The following SLC1A3 variants were observed in gnomAD, a reference collection of about 807,000 sequenced individuals.
The protein encoded by SLC1A3 is excitatory amino acid transporter 1.
Under a neutral mutation model 48.1 loss-of-function variants are expected in SLC1A3, and 21 were observed. The ratio of observed to expected loss-of-function variants is 0.44; its 90% CI spans 0.31 to 0.63. The LOEUF (loss-of-function observed/expected upper bound fraction) is 0.63. Among genes scored for constraint, SLC1A3 ranks in the 20% least tolerant of loss-of-function variants. The pLI, the probability that SLC1A3 is intolerant of heterozygous loss-of-function variation, is 0.08. For missense variants in SLC1A3, 546 were observed against 689.0 expected (o/e 0.79, Z 2.32); for synonymous variants, 239 against 251.4 (o/e 0.95, Z 0.47).
intron 2 of SLC1A3, among the ~76,000 whole-genome samples, chr5:36,609,722 G>T (rs575542287): frequency 2.6e-5 from 4 of 152,186 alleles, no homozygotes; most frequent in Admixed American, 6.5e-5. Flanking sequence ...GATTAATGAT[G>T]GTTCAATTAA....
chr5:36,680,696 T>G, intron 8 of SLC1A3, 107 bp downstream of exon 8: 2 of 897,568 alleles, frequency 2.2e-6, no homozygotes, highest in Non-Finnish European at 3.7e-6. Context: ...GGCGGGTGGA[T>G]CTCCTGAGGC....
At chr5:36,609,619 T>C (rs1349476432) in intron 2 of SLC1A3, among the ~76,000 whole-genome samples, 1 of 152,234 alleles carries the variant, frequency 6.6e-6, no homozygotes, top group African/African-American at 2.4e-5. Flanking sequence ...AATTCTTAAA[T>C]TGTAGACAAA....
chr5:36,597,619 G>T (rs577188137), intron 1 of SLC1A3, among the ~76,000 whole-genome samples: 1 of 152,214 alleles, frequency 6.6e-6, no homozygotes, highest in South Asian at 2.1e-4. Flanking sequence ...TTTCAGCTTT[G>T]TTCCCACTCC....
chr5:36,609,184 C>G, intron 2 of SLC1A3: 1 of 983,638 alleles, frequency 1.0e-6, no homozygotes, highest in Non-Finnish European at 1.2e-6. Flanking sequence ...GCAGAGCCTG[C>G]CATAACCAGC....
At chr5:36,603,128 C>T (rs1035116310), upstream of SLC1A3, among the ~76,000 whole-genome samples, 1 of 152,290 alleles carries the variant, frequency 6.6e-6, no homozygotes, top group African/African-American at 2.4e-5. Flanking sequence ...TCCCCATTGA[C>T]TAGGAGTGGA....
At chr5:36,623,014 C>CAAAAAAAAAAA (rs1158762437) in intron 2 of SLC1A3, among the ~76,000 whole-genome samples, 2 of 51,938 alleles carry the variant, frequency 3.9e-5, no homozygotes, top group Non-Finnish European at 8.4e-5. Flanking sequence ...TCCATCATCT[C>CAAAAAAAAAAA]AAAAAAAAAA....
chr5:36,639,652 T>G (rs1413749903), intron 3 of SLC1A3, among the ~76,000 whole-genome samples: 1 of 152,188 alleles, frequency 6.6e-6, no homozygotes, highest in Non-Finnish European at 1.5e-5. Context: ...CCTCCCAAAA[T>G]TATTCTCCCA....
At chr5:36,596,674 G>C (rs1053739254) in exon 1 of SLC1A3, among the ~76,000 whole-genome samples, 1 of 152,218 alleles carries the variant, frequency 6.6e-6, no homozygotes, top group Admixed American at 6.5e-5. Context: ...TGCAGGGCTT[G>C]AGGGGTGAGT....
chr5:36,686,507 G>T lies in SLC1A3; in HGVS notation c.*238G>T, dbSNP rs1473219558. 7 of 535,812 alleles carry T rather than the reference G, an allele frequency of 1.3e-5. No individual in the cohort carries two copies. Among genetic ancestry groups the T allele is most frequent in the Non-Finnish European group, 2.3e-5 (7 of 298,550 alleles). 33.2% of individuals were successfully genotyped at this position (535,812 alleles called of 1,614,324 possible). ...TTTCATGTTAGTCTTACCGAATAAGGTACCAAGATCACAAATAGTGTTGAT... is the reference window on the plus strand; with the variant it reads ...TTTCATGTTAGTCTTACCGAATAAGTTACCAAGATCACAAATAGTGTTGAT... On this transcript the variant is annotated 3_prime_UTR_variant, in exon 10 of 10. Transcript: ENST00000265113.
chr5:36,617,529 C>A (rs1739492501), intron 2 of SLC1A3, among the ~76,000 whole-genome samples: 1 of 148,486 alleles, frequency 6.7e-6, no homozygotes, highest in Non-Finnish European at 1.5e-5. Flanking sequence ...ATCTTATTGA[C>A]CCCTGTCCCC....
At chr5:36,635,237 A>T (rs996502845) in intron 3 of SLC1A3, among the ~76,000 whole-genome samples, 2 of 151,734 alleles carry the variant, frequency 1.3e-5, no homozygotes, top group Non-Finnish European at 2.9e-5. Context: ...TTCATTCTCT[A>T]TAAAATGTAA....
At chr5:36,619,919 C>G (rs939207176) in intron 2 of SLC1A3, among the ~76,000 whole-genome samples, 9 of 152,146 alleles carry the variant, frequency 5.9e-5, no homozygotes, top group African/African-American at 2.2e-4. Flanking sequence ...ATTTATAATG[C>G]TTTTGATGAA....
chr5:36,681,999 CTTCT>C (rs530903826), intron 8 of SLC1A3, among the ~76,000 whole-genome samples: 1 of 152,182 alleles, frequency 6.6e-6, no homozygotes, highest in South Asian at 2.1e-4. Flanking sequence ...ATTTTTGCTT[CTTCT>C]TTCTCTTTCT....
At chr5:36,636,485 T>TTC (rs1364275691) in intron 3 of SLC1A3, 1 of 144,330 alleles carries the variant, frequency 6.9e-6, no homozygotes, top group African/African-American at 2.7e-5. Flanking sequence ...CTTTCTTTCT[T>TTC]TCTTTCTTTC....
chr5:36,676,865 A>G, intron 5 of SLC1A3, 27 bp from the exon 6 acceptor site: 1 of 1,572,442 alleles, frequency 6.4e-7, no homozygotes, highest in South Asian at 1.1e-5. Flanking sequence ...ATCACCTTTA[A>G]TCCTCGTTGT....
intron 5 of SLC1A3, among the ~76,000 whole-genome samples, chr5:36,674,446 A>G (rs1388534010): frequency 6.6e-6 from 1 of 152,056 alleles, no homozygotes; most frequent in African/African-American, 2.4e-5. Flanking sequence ...AACTTGCCTT[A>G]AAGAAGATTA....
intron 2 of SLC1A3, among the ~76,000 whole-genome samples, chr5:36,614,601 C>G (rs1422042005): frequency 1.3e-5 from 2 of 152,152 alleles, no homozygotes; most frequent in South Asian, 2.1e-4. Flanking sequence ...GGGCGCCTGA[C>G]AGTAGACGCC....
intron 3 of SLC1A3, among the ~76,000 whole-genome samples, chr5:36,651,947 C>T (rs2111850446): frequency 6.6e-6 from 1 of 152,318 alleles, no homozygotes; most frequent in South Asian, 2.1e-4. Context: ...AAGTATTACA[C>T]TGCTTCCCTG....
chr5:36,657,856 T>A (rs2111872921), intron 3 of SLC1A3, among the ~76,000 whole-genome samples: 1 of 152,320 alleles, frequency 6.6e-6, no homozygotes, highest in South Asian at 2.1e-4. Context: ...GCTTCCTCAG[T>A]AGAAATATTA....
Sources: gnomAD v4.1 joint callset for allele counts (sites outside exome capture counted in the v4.1 genomes callset) on GRCh38, gnomAD v4.1.1 for gene constraint, MANE v1.5 for transcripts, NCBI Gene and HGNC (gene_info 2026-07-23, HGNC 2026-07-21) for gene names.